The following EXTL3 variants were observed in gnomAD, a reference collection of about 807,000 sequenced individuals.
EXTL3 encodes the protein exostosin like glycosyltransferase 3, also known as exostosin-like 3.
A neutral mutation model predicts 69.3 loss-of-function variants in EXTL3; 27 were observed. That is an observed-to-expected ratio of 0.39 (90% confidence interval 0.29 to 0.54). The LOEUF is 0.54. Ranked by LOEUF, EXTL3 falls within the 20% of genes least tolerant of loss-of-function variation. The pLI is 0.69. For missense variants in EXTL3, 1,003 were observed against 1,231.8 expected (o/e 0.81, Z 2.78); for synonymous variants, 511 against 499.4 (o/e 1.02, Z -0.31).
At chr8:28,710,424 GT>G (rs1563212309) in intron 1 of EXTL3, 1 of 455,460 alleles carries the variant, frequency 2.2e-6, no homozygotes, top group Non-Finnish European at 4.4e-6. Flanking sequence ...TGGGCAGGAA[GT>G]GTAAAATGCA....
At chr8:28,635,715 C>CCACACACACACACACACACA (rs146671194) in intron 1 of EXTL3, among the ~76,000 whole-genome samples, 2,125 of 142,734 alleles carry the variant, frequency 0.015, 30 homozygotes, top group East Asian at 0.045. Flanking sequence ...CCCCACAACT[C>CCACACACACACACACACACA]CACACACACA....
intron 3 of EXTL3, among the ~76,000 whole-genome samples, chr8:28,721,308 G>T (rs1391532649): frequency 1.3e-5 from 2 of 152,234 alleles, no homozygotes; most frequent in Non-Finnish European, 2.9e-5. Flanking sequence ...GGGTGGGCCA[G>T]AGACAGAGCA....
Position 28,717,256 on chromosome 8 carries a change from C to T in EXTL3, c.1197C>T (p.Thr399=), listed in dbSNP as rs2130739102. Residue 399 remains threonine (T), a synonymous_variant, in exon 3 of 7, where the codon ACC becomes ACT. Coordinates refer to ENST00000220562, the MANE Select transcript of EXTL3 (RefSeq NM_001440.4). The surrounding 1 kb of genome is among the most constrained non-coding windows in gnomAD (Gnocchi z 8.3). Reference sequence around the variant, plus strand: ...TGGATCAGGTCCTGGTGGAATTCACCTGCAAAAACCAGCCCAAACCCAGCC... The same window carrying T: ...TGGATCAGGTCCTGGTGGAATTCACTTGCAAAAACCAGCCCAAACCCAGCC... ...SKLDQVLVEF[T]CKNQPKPSLP... 6.2e-7 allele frequency: 1 copy of T among 1,614,220 alleles called. No homozygotes were observed. Among genetic ancestry groups the T allele is most frequent in the East Asian group, 2.2e-5 (1 of 44,878 alleles).
intron 2 of EXTL3, among the ~76,000 whole-genome samples, chr8:28,610,233 GTGTGTT>G: frequency 6.6e-6 from 1 of 152,152 alleles, no homozygotes; most frequent in South Asian, 2.1e-4. Flanking sequence ...GTGTGTGTGT[GTGTGTT>G]TGTGTATGCA....
intron 4 of EXTL3, among the ~76,000 whole-genome samples, chr8:28,734,502 A>G (rs1317871058): frequency 6.6e-6 from 1 of 152,236 alleles, no homozygotes; most frequent in Non-Finnish European, 1.5e-5. Flanking sequence ...ACCTGAGGTC[A>G]GGAGTTTGAG....
intron 6 of EXTL3, among the ~76,000 whole-genome samples, chr8:28,743,625 A>G (rs946235777): frequency 1.3e-5 from 2 of 152,156 alleles, no homozygotes; most frequent in Admixed American, 6.5e-5. Context: ...TATTGTTTGT[A>G]TTTGTTACTG....
At chr8:28,637,379 G>A (rs910148101) in intron 1 of EXTL3, 6 of 152,224 alleles carry the variant, frequency 3.9e-5, no homozygotes, top group Admixed American at 2.6e-4. Context: ...CTACTTTATG[G>A]AGACAGGAGA....
rs1801977516 is a variant in EXTL3, at chr8:28,750,364, C to G, written c.2551-293C>G. Among the ~76,000 whole-genome samples the G allele has an allele frequency of 6.6e-6, 1 of 152,164 alleles. No homozygotes were observed. Among genetic ancestry groups the G allele is most frequent in the Admixed American group, 6.5e-5 (1 of 15,278 alleles). ...CGGTACCTACCTATGGCTCTGCAAC[C>G]AAGTACATACTAGGAGTAGACTTAC... On this transcript the variant is annotated intron_variant, in intron 6 of 6. Transcript: ENST00000220562. The surrounding 1 kb of genome is among the most constrained non-coding windows in gnomAD (Gnocchi z 5.2).
In EXTL3 at chr8:28,731,253, AACCGATTCTT is replaced by A; in HGVS notation, c.2183_2192del (p.Arg728ProfsTer69). 1.2e-6 allele frequency: 2 copies of A among 1,614,194 alleles called. No homozygotes were observed. The highest frequency in any genetic ancestry group is 1.7e-6 in the Non-Finnish European group (2 of 1,180,024). ...CCGTACTGAGAAGAACAGTTTGAAC[AACCGATTCTT>A]ACCCTGGAATGAAATTGAGACAGAG... On this transcript the variant is annotated frameshift_variant, in exon 4 of 7. Coordinates refer to ENST00000220562, the MANE Select transcript of EXTL3 (RefSeq NM_001440.4). LOFTEE classifies it high-confidence loss of function.
intron 3 of EXTL3, among the ~76,000 whole-genome samples, chr8:28,719,491 A>G (rs1801249142): frequency 6.6e-6 from 1 of 152,132 alleles, no homozygotes; most frequent in Non-Finnish European, 1.5e-5. Flanking sequence ...GTTACTGCCT[A>G]CTTCCTTCTG....
Position 28,701,647 on chromosome 8 carries a change from G to T in EXTL3, c.-582G>T. 1 of 161,204 alleles carries T rather than the reference G, an allele frequency of 6.2e-6. No homozygotes were observed. Among genetic ancestry groups the T allele is most frequent in the Non-Finnish European group, 1.3e-5 (1 of 77,328 alleles). The allele number at this position is 161,204 out of a possible 1,614,324, so 10.0% of individuals were successfully genotyped here. On this transcript the variant is annotated 5_prime_UTR_variant, in exon 1 of 7. An upstream open reading frame in the 5' UTR loses its in-frame stop. Transcript: ENST00000220562. ...GCGGCGGCGGCGGCGGCGGGTCCCT[G>T]AGCTGGAAGCCGGTAGGACTGCTGG...
rs1801971126 is a variant in EXTL3 at position 28,750,055 on chromosome 8, T to C, written c.2551-602T>C. 6.6e-6 allele frequency among the ~76,000 whole-genome samples: 1 copy of C among 152,210 alleles called. No homozygotes were observed. Among genetic ancestry groups the C allele is most frequent in the Admixed American group, 6.5e-5 (1 of 15,290 alleles). The stretch of plus-strand genomic sequence containing the variant: ...GTATTTCTTCTTGCATGTTCAGGTG[T>C]TCTGAGGGGTTTTTATGCCATTCGG... On this transcript the variant is annotated intron_variant, in intron 6 of 6. Transcript: ENST00000220562. This position sits in a 1 kb window ranked among gnomAD's most constrained non-coding sequence, Gnocchi z 5.2.
At chr8:28,621,374 G>C (rs1186838133), upstream of EXTL3, among the ~76,000 whole-genome samples, 1 of 152,142 alleles carries the variant, frequency 6.6e-6, no homozygotes, top group East Asian at 1.9e-4. Context: ...AGAGAGGCCT[G>C]AAACAATCTT....
In EXTL3 at chr8:28,716,534, C is replaced by T. The variant is rs1373515659; in HGVS notation, c.475C>T (p.Leu159=). 1.9e-6 allele frequency: 3 copies of T among 1,614,182 alleles called. No individual in the cohort carries two copies. In the South Asian group the frequency reaches 3.3e-5, roughly 18 times the overall value. ...GCCCAAGCTGTCCCTGCCCATCCGA[C>T]TGCTCCCAGAGAAGGACGATGCCGG... ...NQPKLSLPIR[L]LPEKDDAGLP... The change falls in exon 3 of 7, where the codon CTG becomes TTG. Residue 159 remains leucine (L), a synonymous_variant. Transcript: ENST00000220562. The surrounding 1 kb of genome is among the most constrained non-coding windows in gnomAD (Gnocchi z 7.1).
chr8:28,700,787 CCT>C (rs1384026482), upstream of EXTL3: 1 of 152,316 alleles, frequency 6.6e-6, no homozygotes, highest in East Asian at 1.9e-4. Flanking sequence ...ACCCCCATCC[CCT>C]GTTCCATTAT....
At chr8:28,629,430 T>G (rs531511879) in intron 1 of EXTL3, among the ~76,000 whole-genome samples, 1 of 152,220 alleles carries the variant, frequency 6.6e-6, no homozygotes, top group African/African-American at 2.4e-5. Flanking sequence ...ATTCATTCAT[T>G]ATCAAATATC....
At position 28,717,288 on chromosome 8, in the gene EXTL3, CTGAG is replaced by C; in HGVS notation, c.1232_1235del (p.Glu411GlyfsTer14). The C allele has an allele frequency of 1.9e-6, 3 of 1,614,256 alleles. No individual in the cohort carries two copies. The highest frequency in any genetic ancestry group is 2.5e-6 in the Non-Finnish European group (3 of 1,180,050). ...AACCAGCCCAAACCCAGCCTGCCGA[CTGAG>C]TGGGCACTGTGTGGAGAGCGGGAGG... is the stretch of plus-strand genomic sequence containing the variant. On this transcript the variant is annotated frameshift_variant, in exon 3 of 7. Transcript: ENST00000220562. LOFTEE classifies it high-confidence loss of function. The surrounding 1 kb of genome is among the most constrained non-coding windows in gnomAD (Gnocchi z 8.3).
At chr8:28,673,102 TG>T (rs1807324392) in intron 1 of EXTL3, among the ~76,000 whole-genome samples, 1 of 152,218 alleles carries the variant, frequency 6.6e-6, no homozygotes, top group African/African-American at 2.4e-5. Flanking sequence ...TACCCAGTCT[TG>T]GGTATGTCTT....
intron 1 of EXTL3, among the ~76,000 whole-genome samples, chr8:28,663,265 G>T (rs910438878): frequency 9.2e-5 from 14 of 152,142 alleles, no homozygotes; most frequent in East Asian, 1.9e-4. Flanking sequence ...GATGGGTAAG[G>T]GGTGTCCTCT....
Sources: gnomAD v4.1 joint callset for allele counts (sites outside exome capture counted in the v4.1 genomes callset) on GRCh38, gnomAD v4.1.1 for gene constraint, Gnocchi (gnomAD v3.1) non-coding constraint, MANE v1.5 for transcripts, NCBI Gene and HGNC (gene_info 2026-07-23, HGNC 2026-07-21) for gene names.